DPF3: variants seen among roughly 807,000 people sequenced by gnomAD.
DPF3 encodes zinc finger protein DPF3.
In DPF3, 18 loss-of-function variants were observed where a neutral mutation model predicts 56.8. That is an observed-to-expected ratio of 0.32 (90% CI 0.22 to 0.47). DPF3 has a LOEUF of 0.47. Among genes scored for constraint, DPF3 ranks in the 20% least tolerant of loss-of-function variants. The pLI is 1.00. For missense variants in DPF3, 403 were observed against 488.8 expected (o/e 0.82, Z 1.65); for synonymous variants, 188 against 180.2 (o/e 1.04, Z -0.35).
intron 1 of DPF3, among the ~76,000 whole-genome samples, chr14:72,864,819 G>A (rs948759987): frequency 6.6e-6 from 1 of 152,220 alleles, no homozygotes; most frequent in Non-Finnish European, 1.5e-5. Context: ...TGCAGGCTGG[G>A]AGGTCAACGA....
chr14:72,823,220 C>G (rs751314556), intron 1 of DPF3, among the ~76,000 whole-genome samples: 1 of 152,220 alleles, frequency 6.6e-6, no homozygotes, highest in Non-Finnish European at 1.5e-5. Context: ...ACCCAAACCT[C>G]CCTCCAGTTC....
chr14:72,836,999 A>G (rs1300257559), intron 1 of DPF3, among the ~76,000 whole-genome samples: 1 of 152,046 alleles, frequency 6.6e-6, no homozygotes, highest in Non-Finnish European at 1.5e-5. Flanking sequence ...CCTCCTGAGT[A>G]GCTGGAATTA....
At chr14:72,769,865 T>G (rs1435447515) in intron 2 of DPF3, among the ~76,000 whole-genome samples, 1 of 152,052 alleles carries the variant, frequency 6.6e-6, no homozygotes, top group Non-Finnish European at 1.5e-5. Context: ...CTTTGGAGAA[T>G]GCTAGGGAAC....
chr14:72,801,330 A>G (rs1892883670), intron 1 of DPF3, among the ~76,000 whole-genome samples: 1 of 152,200 alleles, frequency 6.6e-6, no homozygotes, highest in Non-Finnish European at 1.5e-5. Context: ...CTGGTGAGGG[A>G]CACTAAGTGG....
chr14:72,893,925 A>G, intron 1 of DPF3, 132 bp downstream of exon 1: 2 of 981,030 alleles, frequency 2.0e-6, no homozygotes, highest in Non-Finnish European at 3.1e-6. Flanking sequence ...AAGAGCTGAA[A>G]GAAGAGAGAA....
intron 8 of DPF3, among the ~76,000 whole-genome samples, chr14:72,668,070 C>T (rs910420527): frequency 4.6e-5 from 7 of 152,240 alleles, no homozygotes; most frequent in Middle Eastern, 3.4e-3. Context: ...CCAAGGAAAG[C>T]GCCCAGAATA....
chr14:72,671,083 T>C (rs551423983), intron 8 of DPF3: 543 of 1,598,246 alleles, frequency 3.4e-4, no homozygotes, highest in Non-Finnish European at 4.3e-4. Context: ...ACCAGCACAA[T>C]GACCAAAGTC....
chr14:72,664,697 ATATT>A (rs1372085854), intron 8 of DPF3, among the ~76,000 whole-genome samples: 2 of 152,128 alleles, frequency 1.3e-5, no homozygotes, highest in African/African-American at 4.8e-5. Flanking sequence ...TCTGTCAACA[ATATT>A]TATTAAGCAT....
At chr14:72,692,243 C>A (rs1463353976) in intron 7 of DPF3, among the ~76,000 whole-genome samples, 1 of 152,180 alleles carries the variant, frequency 6.6e-6, no homozygotes, top group Non-Finnish European at 1.5e-5. Flanking sequence ...AAACACATGG[C>A]CTGTCCACGA....
intron 5 of DPF3, among the ~76,000 whole-genome samples, chr14:72,715,088 C>G (rs546291147): frequency 1.2e-3 from 178 of 152,326 alleles, no homozygotes; most frequent in Non-Finnish European, 1.6e-3. Context: ...CAGGGGAGCT[C>G]CCGCCACCAG....
At chr14:72,696,821 A>G (rs1887922450) in intron 6 of DPF3, among the ~76,000 whole-genome samples, 1 of 152,214 alleles carries the variant, frequency 6.6e-6, no homozygotes, top group South Asian at 2.1e-4. Flanking sequence ...TAGAGATGCA[A>G]ACTCTTGGGC....
intron 8 of DPF3, among the ~76,000 whole-genome samples, chr14:72,638,800 C>T (rs1885459308): frequency 6.6e-6 from 1 of 151,282 alleles, no homozygotes; most frequent in Non-Finnish European, 1.5e-5. Flanking sequence ...ACTCATGACA[C>T]TTAGACACTT....
chr14:72,743,459 G>A (rs1890208370), intron 3 of DPF3, among the ~76,000 whole-genome samples: 1 of 152,088 alleles, frequency 6.6e-6, no homozygotes. Flanking sequence ...CCTCTAAAAT[G>A]AAGATAATAT....
intron 1 of DPF3, among the ~76,000 whole-genome samples, chr14:72,882,158 A>T (rs1886350295): frequency 6.6e-6 from 1 of 152,350 alleles, no homozygotes; most frequent in South Asian, 2.1e-4. Context: ...AAGGCAGTGC[A>T]GAGTCAGGGA....
intron 6 of DPF3, among the ~76,000 whole-genome samples, chr14:72,710,389 C>T (rs1156488308): frequency 6.6e-6 from 1 of 152,230 alleles, no homozygotes; most frequent in Non-Finnish European, 1.5e-5. Flanking sequence ...CCAACTAAAA[C>T]ACTGATGCAA....
intron 8 of DPF3, chr14:72,669,974 C>T (rs1244271743): frequency 8.4e-5 from 83 of 985,868 alleles, no homozygotes; most frequent in Non-Finnish European, 9.3e-5. Flanking sequence ...ACCTCGCAGC[C>T]GGTCATTCTT....
intron 5 of DPF3, among the ~76,000 whole-genome samples, chr14:72,722,378 G>T (rs1365694429): frequency 6.6e-6 from 1 of 152,228 alleles, no homozygotes; most frequent in East Asian, 1.9e-4. Flanking sequence ...TCTCAGCTCA[G>T]TGTGTGCCGC....
At chr14:72,893,706 C>G (rs891599477) in intron 1 of DPF3, among the ~76,000 whole-genome samples, 6 of 151,420 alleles carry the variant, frequency 4.0e-5, no homozygotes, top group Non-Finnish European at 5.9e-5. Context: ...TCCCTGCCCG[C>G]GAGGCGGGGG....
intron 1 of DPF3, among the ~76,000 whole-genome samples, chr14:72,810,139 G>A (rs561773987): frequency 2.0e-5 from 3 of 152,288 alleles, no homozygotes; most frequent in Admixed American, 6.5e-5. Flanking sequence ...GGGAAGATGC[G>A]AATAAGGGCA....
Sources: gnomAD v4.1 joint callset for allele counts (sites outside exome capture counted in the v4.1 genomes callset) on GRCh38, gnomAD v4.1.1 for gene constraint, MANE v1.5 for transcripts, NCBI Gene and HGNC (gene_info 2026-07-23, HGNC 2026-07-21) for gene names.